HS6ST2: variants seen among roughly 807,000 people sequenced by gnomAD.
HS6ST2 encodes heparan-sulfate 6-O-sulfotransferase 2.
HS6ST2 carries 17 observed loss-of-function variants against 33.0 expected under a neutral mutation model. The observed-to-expected ratio is 0.52, with a 90% confidence interval of 0.35 to 0.77. The LOEUF (loss-of-function observed/expected upper bound fraction) is 0.77, where lower values mean the gene tolerates loss of function less well. Ranked by LOEUF, HS6ST2 falls within the 30% of genes least tolerant of loss-of-function variation. The pLI, the probability that HS6ST2 is intolerant of heterozygous loss-of-function variation, is 0.01. For missense variants in HS6ST2, 519 were observed against 551.7 expected (o/e 0.94, Z 0.59); for synonymous variants, 248 against 237.1 (o/e 1.05, Z -0.42).
At chrX:132,888,993 G>A (rs1368740557) in intron 2 of HS6ST2, among the ~76,000 whole-genome samples, 1 of 110,643 alleles carries the variant, frequency 9.0e-6, no homozygotes, top group African/African-American at 3.3e-5. Flanking sequence ...CCAATTTACA[G>A]GTGAAGAAAA....
intron 2 of HS6ST2, among the ~76,000 whole-genome samples, chrX:132,838,585 T>TA (rs762850210): frequency 9.0e-6 from 1 of 111,711 alleles, no homozygotes; most frequent in Non-Finnish European, 1.9e-5. Context: ...TTTTTCTCAC[T>TA]AAAAAAGGAC....
At chrX:132,764,444 A>T (rs994048949) in intron 2 of HS6ST2, among the ~76,000 whole-genome samples, 1 of 112,271 alleles carries the variant, frequency 8.9e-6, no homozygotes, top group African/African-American at 3.2e-5. Flanking sequence ...CGATTCCTAA[A>T]ATCCCTTCAG....
chrX:132,855,664 C>T (rs1043770854), intron 2 of HS6ST2, among the ~76,000 whole-genome samples: 1 of 111,634 alleles, frequency 9.0e-6, no homozygotes, highest in African/African-American at 3.3e-5. Flanking sequence ...CCCAGCCACC[C>T]ACCAACTAGA....
intron 2 of HS6ST2, among the ~76,000 whole-genome samples, chrX:132,801,791 G>A (rs2065238299): frequency 8.9e-6 from 1 of 112,285 alleles, no homozygotes; most frequent in Admixed American, 9.5e-5. Context: ...TGGAACAAAG[G>A]ATGGTTTTAG....
chrX:132,863,513 G>A (rs2065934158), intron 2 of HS6ST2, among the ~76,000 whole-genome samples: 2 of 101,930 alleles, frequency 2.0e-5, no homozygotes, highest in South Asian at 4.6e-4. Context: ...TTTTTGAGAC[G>A]GGGTTTCACT....
intron 2 of HS6ST2, among the ~76,000 whole-genome samples, chrX:132,724,056 C>T (rs966837721): frequency 9.0e-6 from 1 of 111,671 alleles, no homozygotes; most frequent in Non-Finnish European, 1.9e-5. Context: ...AGGAGAATGG[C>T]GTGAACCTGG....
chrX:132,768,839 G>A (rs911572086), intron 2 of HS6ST2, among the ~76,000 whole-genome samples: 12 of 112,554 alleles, frequency 1.1e-4, no homozygotes, highest in South Asian at 7.4e-4. Context: ...TCCAAGCCAT[G>A]GGCTTCTCCT....
rs1283470830 is a variant in HS6ST2 at position 132,721,505 on chromosome X, C to CT, written c.948-13012dup. On this transcript the variant is annotated intron_variant, in intron 2 of 4. Transcript: ENST00000370833. ...AAAACCTGTCTTCAAAGGGAATGAT[C>CT]TAACTTCTTGCCATTTGGGGTGACT... is the stretch of plus-strand genomic sequence containing the variant. Among the ~76,000 whole-genome samples the CT allele has an allele frequency of 4.5e-5, 5 of 112,097 alleles. 1 individual carries two copies. The Admixed American group carries it at 4.7e-4, about 11-fold the overall frequency.
intron 2 of HS6ST2, among the ~76,000 whole-genome samples, chrX:132,847,799 G>A (rs749370392): frequency 8.9e-6 from 1 of 112,046 alleles, no homozygotes; most frequent in Admixed American, 9.5e-5. Context: ...AGCTGAGATG[G>A]AAAGGAAGGG....
intron 2 of HS6ST2, among the ~76,000 whole-genome samples, chrX:132,830,739 T>G (rs1360716640): frequency 9.0e-6 from 1 of 111,630 alleles, no homozygotes; most frequent in African/African-American, 3.3e-5. Flanking sequence ...TTATGAGGCC[T>G]CCTTCAAAGT....
intron 4 of HS6ST2, among the ~76,000 whole-genome samples, chrX:132,662,062 C>G (rs779180207): frequency 1.5e-3 from 171 of 111,504 alleles, no homozygotes; most frequent in Non-Finnish European, 2.9e-3. Context: ...GTAATCAAGA[C>G]AGTGTGGTGC....
intron 2 of HS6ST2, among the ~76,000 whole-genome samples, chrX:132,745,386 C>T (rs767129258): frequency 8.9e-6 from 1 of 111,833 alleles, no homozygotes; most frequent in African/African-American, 3.2e-5. Flanking sequence ...CGCCCAGCCC[C>T]GATAGTTTTT....
chrX:132,680,019 C>T (rs1200618011), intron 3 of HS6ST2, among the ~76,000 whole-genome samples: 7 of 105,529 alleles, frequency 6.6e-5, no homozygotes, highest in South Asian at 9.0e-4. Context: ...GTGCAGTTAA[C>T]GCAATTATCA....
intron 2 of HS6ST2, among the ~76,000 whole-genome samples, chrX:132,926,805 C>T (rs995026010): frequency 9.0e-6 from 1 of 111,586 alleles, no homozygotes; most frequent in Non-Finnish European, 1.9e-5. Flanking sequence ...TGCCTGTAAT[C>T]CCAGCTACTC....
chrX:132,734,237 G>A (rs1366792061), intron 2 of HS6ST2, among the ~76,000 whole-genome samples: 1 of 108,079 alleles, frequency 9.3e-6, no homozygotes, highest in Non-Finnish European at 1.9e-5. Flanking sequence ...CAAAAAAGTG[G>A]CACTTCATTA....
At chrX:132,808,388 G>T (rs2065305918) in intron 2 of HS6ST2, among the ~76,000 whole-genome samples, 1 of 111,759 alleles carries the variant, frequency 8.9e-6, no homozygotes, top group Admixed American at 9.5e-5. Context: ...GAGATTATTT[G>T]ACATGGAAAC....
Position 132,956,946 on chromosome X carries a change from G to A in HS6ST2, c.809C>T (p.Pro270Leu). The A allele has an allele frequency of 8.3e-7, 1 of 1,207,655 alleles. No homozygotes were observed. Residue 270 changes from proline to leucine, a missense_variant, in exon 2 of 5, where the codon CCG (proline) becomes CTG (leucine). Coordinates refer to ENST00000370833, the MANE Select transcript of HS6ST2 (RefSeq NM_001394073.1). ...GAAGAGCCAGGTTTCCCGCTTACCC[G>A]GCCGGTGGCAAGTGCATTTCTTCTG... ...VGQKKCTCHR[P>L]GKRETWLFSR... is the part of the protein sequence containing the mutation.
chrX:132,819,491 G>A (rs758286607), intron 2 of HS6ST2, among the ~76,000 whole-genome samples: 5 of 111,771 alleles, frequency 4.5e-5, no homozygotes, highest in Admixed American at 1.9e-4. Flanking sequence ...TAGTGTCCAG[G>A]CCCCATCAGT....
intron 2 of HS6ST2, among the ~76,000 whole-genome samples, chrX:132,848,444 G>T (rs139550941): frequency 0.04 from 4,516 of 112,087 alleles, 218 homozygotes; most frequent in African/African-American, 0.14. Context: ...TTGTTCAAAG[G>T]AGTAGTGTCC....
Sources: allele counts gnomAD v4.1 joint callset (sites outside exome capture counted in the v4.1 genomes callset), GRCh38; gene constraint gnomAD v4.1.1; transcripts MANE v1.5; gene names NCBI Gene and HGNC (gene_info 2026-07-23, HGNC 2026-07-21).